The following UAP1 variants were observed in gnomAD, a reference collection of about 807,000 sequenced individuals.
UAP1 encodes the protein UDP-N-acetylglucosamine pyrophosphorylase 1, also known as UDP-N-acetylhexosamine pyrophosphorylase.
In UAP1, 25 loss-of-function variants were observed where a neutral mutation model predicts 58.5. The ratio of observed to expected loss-of-function variants is 0.43; its 90% CI spans 0.31 to 0.60. The LOEUF is 0.60. Ranked by LOEUF, UAP1 falls within the 20% of genes least tolerant of loss-of-function variation. The pLI, the probability that UAP1 is intolerant of heterozygous loss-of-function variation, is 0.11. For missense variants in UAP1, 575 were observed against 630.0 expected, an observed-to-expected ratio of 0.91 and a Z score of 0.93; for synonymous variants, 208 against 213.0, an observed-to-expected ratio of 0.98 and a Z score of 0.21.
At chr1:162,589,977 AT>A (rs1655198174) in intron 7 of UAP1, among the ~76,000 whole-genome samples, 4 of 152,102 alleles carry the variant, frequency 2.6e-5, no homozygotes, top group Non-Finnish European at 1.5e-5. Context: ...TCTCAAAAAA[AT>A]AAATAAATAA....
At chr1:162,592,039 A>G (rs1021887195) in intron 8 of UAP1, among the ~76,000 whole-genome samples, 1 of 152,222 alleles carries the variant, frequency 6.6e-6, no homozygotes, top group Non-Finnish European at 1.5e-5. Context: ...TGTAAAAAGC[A>G]TTCTGGCATT....
chr1:162,567,893 T>C (rs1653616040), intron 2 of UAP1, among the ~76,000 whole-genome samples: 1 of 152,192 alleles, frequency 6.6e-6, no homozygotes, highest in South Asian at 2.1e-4. Context: ...CCTCTTAGGC[T>C]TAAGCAATAC....
At chr1:162,566,436 G>T (rs1010574156) in intron 2 of UAP1, 88 bp downstream of exon 2, 48 of 1,354,356 alleles carry the variant, frequency 3.5e-5, no homozygotes, top group Non-Finnish European at 4.6e-5. Flanking sequence ...CTAATATTTT[G>T]ATTCATACTA....
intron 2 of UAP1, among the ~76,000 whole-genome samples, chr1:162,573,790 C>CCA (rs1654009340): frequency 6.6e-6 from 1 of 151,930 alleles, no homozygotes; most frequent in Non-Finnish European, 1.5e-5. Flanking sequence ...CATGGTGAGA[C>CCA]CCCTGTCTAC....
intron 1 of UAP1, among the ~76,000 whole-genome samples, chr1:162,563,510 G>A (rs1339797714): frequency 6.6e-6 from 1 of 152,060 alleles, no homozygotes; most frequent in Non-Finnish European, 1.5e-5. Flanking sequence ...GACTACAGGC[G>A]CGTGCCACCA....
intron 7 of UAP1, 73 bp from the exon 8 acceptor site, chr1:162,590,250 T>G: frequency 1.6e-6 from 2 of 1,245,240 alleles, no homozygotes; most frequent in Non-Finnish European, 2.2e-6. Context: ...ACCAAAGCCT[T>G]AGCTATGTTA....
intron 9 of UAP1, among the ~76,000 whole-genome samples, chr1:162,596,884 C>T (rs1655651454): frequency 6.6e-6 from 1 of 152,210 alleles, no homozygotes; most frequent in Admixed American, 6.5e-5. Flanking sequence ...GGTCTAATGA[C>T]TGCAAACTCA....
chr1:162,577,063 C>CA, intron 3 of UAP1, 82 bp downstream of exon 3: 1 of 1,240,374 alleles, frequency 8.1e-7, no homozygotes, highest in Non-Finnish European at 1.1e-6. Context: ...TTTATGCACT[C>CA]ACAGACATAT....
rs1228409071 is a variant in UAP1, at chr1:162,589,172, A to T, written c.1169+339A>T. 6.1e-5 allele frequency among the ~76,000 whole-genome samples: 6 copies of T among 98,470 alleles called. No individual in the cohort carries two copies. In the East Asian group the frequency reaches 8.2e-4, roughly 14 times the overall value. 64.6% of individuals were successfully genotyped at this position (98,470 alleles called of 152,430 possible). A position where few individuals can be genotyped will look rare whatever the true frequency, so the allele number is the denominator to read the frequency against. ...TAATATATATTATATATAATATATA[A>T]ATATTATATATAATATATATTATAT... On this transcript the variant is annotated intron_variant, in intron 7 of 10. Transcript: ENST00000271469.
chr1:162,598,017 ATATG>A (rs941489217), intron 10 of UAP1, among the ~76,000 whole-genome samples, 159 bp downstream of exon 10: 29 of 152,210 alleles, frequency 1.9e-4, no homozygotes, highest in African/African-American at 5.1e-4. Context: ...GACAGTGTAT[ATATG>A]CATTGAATCA....
chr1:162,595,221 C>T (rs1655547726), intron 9 of UAP1, among the ~76,000 whole-genome samples: 1 of 152,096 alleles, frequency 6.6e-6, no homozygotes. Context: ...ATTTTGTTTA[C>T]TGAAGTTCAC....
At chr1:162,593,067 C>T in intron 9 of UAP1, 1 of 474,754 alleles carries the variant, frequency 2.1e-6, no homozygotes, top group Non-Finnish European at 3.8e-6. Context: ...AGATCCAGAG[C>T]AGGTTACAGG....
chr1:162,569,764 G>A (rs770121087), intron 2 of UAP1, among the ~76,000 whole-genome samples: 12 of 152,044 alleles, frequency 7.9e-5, no homozygotes, highest in Non-Finnish European at 1.5e-4. Context: ...TAAAGTAAGT[G>A]GATTATTTAG....
chr1:162,591,336 T>G (rs1195751318), intron 8 of UAP1, among the ~76,000 whole-genome samples: 2 of 152,194 alleles, frequency 1.3e-5, no homozygotes, highest in Non-Finnish European at 2.9e-5. Flanking sequence ...CACTTTCAGG[T>G]CACTGAGGAA....
At chr1:162,600,646 C>CT (rs765693902), downstream of UAP1, among the ~76,000 whole-genome samples, 347 of 140,250 alleles carry the variant, frequency 2.5e-3, no homozygotes, top group Middle Eastern at 7.7e-3. Context: ...TTAAGGATCA[C>CT]TTTTTTTTTT....
At chr1:162,593,367 C>G (rs1284720429) in intron 9 of UAP1, 2 of 152,368 alleles carry the variant, frequency 1.3e-5, no homozygotes, top group Non-Finnish European at 2.9e-5. Flanking sequence ...CACATATCCT[C>G]TCCCATCTGG....
chr1:162,581,481 G>A, intron 5 of UAP1, 22 bp downstream of exon 5: 3 of 1,605,582 alleles, frequency 1.9e-6, no homozygotes, highest in Non-Finnish European at 2.6e-6. Flanking sequence ...CTCAACTATG[G>A]TGAGGCTTTT....
intron 9 of UAP1, among the ~76,000 whole-genome samples, chr1:162,595,379 A>C (rs916677115): frequency 1.3e-5 from 2 of 152,134 alleles, no homozygotes; most frequent in Non-Finnish European, 2.9e-5. Flanking sequence ...GGCTATATAC[A>C]TCTTAATGGG....
At chr1:162,561,687 A>T (rs924304083) in exon 1 of UAP1, 2 of 152,152 alleles carry the variant, frequency 1.3e-5, no homozygotes, top group Non-Finnish European at 2.9e-5. Flanking sequence ...CCCCCGGATG[A>T]GGGTATATAT....
Sources: gnomAD v4.1 joint callset for allele counts (sites outside exome capture counted in the v4.1 genomes callset) on GRCh38, gnomAD v4.1.1 for gene constraint, MANE v1.5 for transcripts, NCBI Gene and HGNC (gene_info 2026-07-23, HGNC 2026-07-21) for gene names.